FAR2: variants seen among roughly 807,000 people sequenced by gnomAD.
FAR2 encodes the protein epididymis secretory protein Li 81.
In FAR2, 19 loss-of-function variants were observed where a neutral mutation model predicts 56.0. The ratio of observed to expected loss-of-function variants is 0.34; its 90% confidence interval spans 0.24 to 0.50. FAR2 has a LOEUF of 0.50. Among genes scored for constraint, FAR2 ranks in the 20% least tolerant of loss-of-function variants. The pLI is 0.98. For missense variants in FAR2, 508 were observed against 642.2 expected (o/e 0.79, Z 2.26); for synonymous variants, 219 against 218.8 (o/e 1.00, Z -0.01).
chr12:29,183,814 C>T (rs1950013237), intron 1 of FAR2, among the ~76,000 whole-genome samples: 2 of 152,172 alleles, frequency 1.3e-5, no homozygotes, highest in Admixed American at 1.3e-4. Context: ...TATTATCATT[C>T]ATTTATCAAG....
At chr12:29,164,104 C>G (rs931312213) in intron 1 of FAR2, among the ~76,000 whole-genome samples, 1 of 152,132 alleles carries the variant, frequency 6.6e-6, no homozygotes, top group Admixed American at 6.5e-5. Context: ...GGACAGAGCT[C>G]AACACGTAAT....
chr12:29,299,213 C>CAAAAAAAAAAAAAAAAAAAAAAAAAAAAA (rs71042981), intron 4 of FAR2, among the ~76,000 whole-genome samples: 1 of 103,590 alleles, frequency 9.7e-6, no homozygotes, highest in African/African-American at 3.9e-5. Flanking sequence ...AACTTTGTCT[C>CAAAAAAAAAAAAAAAAAAAAAAAAAAAAA]AAAAAAAAAA....
intron 2 of FAR2, among the ~76,000 whole-genome samples, chr12:29,288,406 A>C (rs1460590184): frequency 2.0e-5 from 3 of 152,192 alleles, no homozygotes; most frequent in Non-Finnish European, 4.4e-5. Context: ...AGAATTTAAA[A>C]TAATTATATT....
chr12:29,195,690 G>A (rs1950138076), intron 1 of FAR2, among the ~76,000 whole-genome samples: 1 of 152,078 alleles, frequency 6.6e-6, no homozygotes, highest in Non-Finnish European at 1.5e-5. Flanking sequence ...ATTTAAAACT[G>A]TTTATTTTTT....
intron 1 of FAR2, among the ~76,000 whole-genome samples, chr12:29,269,275 A>G (rs1195634270): frequency 2.6e-5 from 4 of 152,156 alleles, no homozygotes; most frequent in African/African-American, 9.7e-5. Context: ...CTTTGCTGAG[A>G]AAAAGAATTC....
At chr12:29,308,553 C>T (rs776788609) in intron 5 of FAR2, among the ~76,000 whole-genome samples, 9 of 141,110 alleles carry the variant, frequency 6.4e-5, no homozygotes, top group East Asian at 2.1e-4. Context: ...TATACTGTAA[C>T]GTAAAGAGAC....
intron 1 of FAR2, among the ~76,000 whole-genome samples, chr12:29,170,749 C>CCTCTCT (rs57701261): frequency 1.3e-5 from 2 of 150,294 alleles, no homozygotes; most frequent in African/African-American, 2.5e-5. Flanking sequence ...TCTGTCTCTT[C>CCTCTCT]CTCTCTCTCT....
chr12:29,282,785 G>A (rs553964052), intron 2 of FAR2, among the ~76,000 whole-genome samples: 118 of 152,192 alleles, frequency 7.8e-4, no homozygotes, highest in Middle Eastern at 6.8e-3. Flanking sequence ...TTTCCCTGCT[G>A]TCAAAGAGAA....
intron 9 of FAR2, among the ~76,000 whole-genome samples, chr12:29,317,294 T>C (rs1156493788): frequency 1.3e-5 from 2 of 152,218 alleles, no homozygotes; most frequent in Admixed American, 1.3e-4. Flanking sequence ...TACATAAAAT[T>C]ATTTAAAATA....
At chr12:29,211,871 A>G (rs1947553757) in intron 1 of FAR2, among the ~76,000 whole-genome samples, 1 of 148,736 alleles carries the variant, frequency 6.7e-6, no homozygotes, top group African/African-American at 2.5e-5. Flanking sequence ...CTCCTAATCT[A>G]GTATGACTGG....
intron 1 of FAR2, among the ~76,000 whole-genome samples, chr12:29,261,693 C>T (rs1384221068): frequency 6.6e-6 from 1 of 152,186 alleles, no homozygotes; most frequent in Non-Finnish European, 1.5e-5. Context: ...AAACAACATA[C>T]AATGGAGTTC....
At chr12:29,314,531 A>G (rs1490391375) in intron 8 of FAR2, among the ~76,000 whole-genome samples, 2 of 151,524 alleles carry the variant, frequency 1.3e-5, no homozygotes, top group African/African-American at 2.4e-5. Context: ...CACAGTGATT[A>G]GAACGGTGAA....
chr12:29,196,889 A>G (rs1417013904), intron 1 of FAR2, among the ~76,000 whole-genome samples: 3 of 152,192 alleles, frequency 2.0e-5, no homozygotes. Flanking sequence ...AGAATCTACA[A>G]GGGACACAGA....
chr12:29,321,850 A>G lies in FAR2; in HGVS notation c.1183A>G (p.Ile395Val). The G allele has an allele frequency of 1.2e-6, 2 of 1,613,914 alleles. No homozygotes were observed. Among genetic ancestry groups the G allele is most frequent in the Non-Finnish European group, 1.7e-6 (2 of 1,179,840 alleles). Residue 395 changes from isoleucine to valine, a missense_variant, in exon 10 of 12, where the codon ATC becomes GTC. Ile to Val is a conservative substitution (Grantham distance 29, BLOSUM62 3). Transcript: ENST00000536681. ...AACTGTTTCCATGTTGGAGTATTTC[A>G]TCAACCGGAGTTGGGAATGGAGCAC... is the stretch of plus-strand genomic sequence containing the variant. ...LRTVSMLEYF[I>V]NRSWEWSTYN...
chr12:29,193,395 C>T (rs1950118332), intron 1 of FAR2, among the ~76,000 whole-genome samples: 1 of 152,182 alleles, frequency 6.6e-6, no homozygotes, highest in African/African-American at 2.4e-5. Context: ...TGTGCTCCAT[C>T]TATCCATTCC....
intron 4 of FAR2, among the ~76,000 whole-genome samples, chr12:29,299,213 C>CAAAAAAAAAAAAAA (rs71042981): frequency 6.5e-4 from 67 of 103,558 alleles, no homozygotes; most frequent in African/African-American, 2.4e-3. Context: ...AACTTTGTCT[C>CAAAAAAAAAAAAAA]AAAAAAAAAA....
chr12:29,218,435 A>G (rs1465993514), intron 1 of FAR2, among the ~76,000 whole-genome samples: 1 of 152,170 alleles, frequency 6.6e-6, no homozygotes, highest in Admixed American at 6.6e-5. Context: ...AGGTGTATTA[A>G]TAGAAATGAT....
intron 1 of FAR2, among the ~76,000 whole-genome samples, chr12:29,150,428 A>G (rs1354134258): frequency 6.6e-6 from 1 of 152,222 alleles, no homozygotes; most frequent in East Asian, 1.9e-4. Context: ...GAATTCAGGT[A>G]GATCGTGCTT....
intron 1 of FAR2, among the ~76,000 whole-genome samples, chr12:29,221,139 C>T (rs1947685429): frequency 6.6e-6 from 1 of 152,040 alleles, no homozygotes; most frequent in Admixed American, 6.5e-5. Flanking sequence ...AGGTCATATA[C>T]CCGTAAAATC....
Sources: gnomAD v4.1 joint callset for allele counts (sites outside exome capture counted in the v4.1 genomes callset) on GRCh38, gnomAD v4.1.1 for gene constraint, MANE v1.5 for transcripts, NCBI Gene and HGNC (gene_info 2026-07-23, HGNC 2026-07-21) for gene names.